The following GZMB variants were observed in gnomAD, a reference collection of about 807,000 sequenced individuals.
The protein encoded by GZMB is granzyme B.
In GZMB, 27 loss-of-function variants were observed where a neutral mutation model predicts 24.2. That is an observed-to-expected ratio of 1.12 (90% CI 0.82 to 1.54). The LOEUF is 1.54. Among genes scored for constraint, GZMB ranks in the 40% most tolerant of loss-of-function variants. The probability of loss-of-function intolerance (pLI) is 0.00; values close to 1 mark genes in which losing one functional copy is unlikely to be tolerated. For missense variants in GZMB, 336 were observed against 310.1 expected (o/e 1.08, Z -0.63); for synonymous variants, 121 against 115.1 (o/e 1.05, Z -0.33).
chr14:24,633,726 T>G (rs917640052), intron 1 of GZMB, among the ~76,000 whole-genome samples: 1 of 152,246 alleles, frequency 6.6e-6, no homozygotes, highest in Non-Finnish European at 1.5e-5. Context: ...AGCTGAGCTC[T>G]GGGTTTCTCT....
Position 24,630,972 on chromosome 14 carries a change from G to A in GZMB, c.*99C>T. 1 of 872,850 alleles carries A rather than the reference G, an allele frequency of 1.1e-6. No homozygotes were observed. Among genetic ancestry groups the A allele is most frequent in the Non-Finnish European group, 1.9e-6 (1 of 525,010 alleles). The allele number at this position is 872,850 out of a possible 1,614,324, so 54.1% of individuals were successfully genotyped here. The stretch of plus-strand genomic sequence containing the variant: ...AACCAGCTTTTCCACTCAGCTAAGA[G>A]GTATTTATTCAGTTGCTGGCACCTC... On this transcript the variant is annotated 3_prime_UTR_variant, in exon 5 of 5. Coordinates refer to ENST00000216341, the MANE Select transcript of GZMB (RefSeq NM_004131.6).
Position 24,632,132 on chromosome 14 carries a change from G to C in GZMB, c.340-14C>G, listed in dbSNP as rs374757875. 5 of 1,612,250 alleles carry C rather than the reference G, an allele frequency of 3.1e-6. No individual in the cohort carries two copies. The South Asian group carries it at 5.5e-5, about 18-fold the overall frequency. ...CTTTCTCTCCAGCTGGTGGGGAAGA[G>C]GCAAGAAAGTCCAGGTCAGCCAACG... On this transcript the variant is annotated splice_polypyrimidine_tract_variant and intron_variant, in intron 3 of 4. Coordinates refer to ENST00000216341, the MANE Select transcript of GZMB (RefSeq NM_004131.6).
At chr14:24,633,897 G>T in intron 1 of GZMB, 1 of 670,096 alleles carries the variant, frequency 1.5e-6, no homozygotes. Flanking sequence ...TCTGGGGAAG[G>T]GATAGTACCC....
Position 24,634,174 on chromosome 14 carries a change from C to G in GZMB, c.-14G>C. The G allele has an allele frequency of 6.3e-7, 1 of 1,583,750 alleles. No individual in the cohort carries two copies. Among genetic ancestry groups the G allele is most frequent in the African/African-American group, 1.3e-5 (1 of 74,922 alleles). On this transcript the variant is annotated 5_prime_UTR_variant, in exon 1 of 5. Transcript: ENST00000216341. ...GATTGGTTGCATCTTCTCAGGAAGG[C>G]TGCCCTGGTTGGAGCTGCTGTTGTT...
At chr14:24,634,050 G>C (rs893528470) in intron 1 of GZMB, 56 bp downstream of exon 1, 23 of 1,433,108 alleles carry the variant, frequency 1.6e-5, no homozygotes, top group Non-Finnish European at 2.0e-5. Context: ...TGTGGAGAAA[G>C]GGCAGGAGAC....
At position 24,633,899 on chromosome 14, in the gene GZMB, A is replaced by G. The variant is rs944963141; in HGVS notation, c.55+207T>C. 5 of 672,170 alleles carry G rather than the reference A, an allele frequency of 7.4e-6. No homozygotes were observed. In the African/African-American group the frequency reaches 8.8e-5, roughly 12 times the overall value. 41.6% of individuals were successfully genotyped at this position (672,170 alleles called of 1,614,324 possible). ...GACAAAGGTGGGCTCTGGGGAAGGG[A>G]TAGTACCCACTGGCTCTTCTTGAGA... On this transcript the variant is annotated intron_variant, in intron 1 of 4. Coordinates refer to ENST00000216341, the MANE Select transcript of GZMB (RefSeq NM_004131.6).
chr14:24,632,860 C>T (rs2067010454), intron 2 of GZMB, 55 bp downstream of exon 2: 3 of 1,551,764 alleles, frequency 1.9e-6, no homozygotes, highest in Non-Finnish European at 1.8e-6. Flanking sequence ...GGGAAGAAGG[C>T]AGGGGTCTCT....
chr14:24,632,703 T>C (rs1256010447), intron 2 of GZMB: 1 of 801,556 alleles, frequency 1.2e-6, no homozygotes, highest in South Asian at 1.5e-5. Flanking sequence ...GTTCTAAATA[T>C]GGCAGGCTTG....
chr14:24,633,454 C>A (rs1207631283), intron 1 of GZMB: 2 of 213,056 alleles, frequency 9.4e-6, no homozygotes, highest in Admixed American at 1.3e-4. Context: ...ATCCTGTTTC[C>A]TAGAGCCTGA....
intron 4 of GZMB, 122 bp from the exon 5 acceptor site, chr14:24,631,336 A>T: frequency 1.3e-6 from 1 of 792,036 alleles, no homozygotes; most frequent in Non-Finnish European, 2.0e-6. Context: ...ACCAGAGGGC[A>T]GGGCAGGCCG....
At chr14:24,632,486 G>T in intron 2 of GZMB, 27 bp from the exon 3 acceptor site, 1 of 1,613,854 alleles carries the variant, frequency 6.2e-7, no homozygotes, top group Non-Finnish European at 8.5e-7. Flanking sequence ...GTGAGGATGG[G>T]GGTGGAGTCA....
rs201850675 is a variant in GZMB at position 24,631,926 on chromosome 14, G to A, written c.532C>T (p.Arg178Cys). ...QEDRKCESDL[R>C]HYYDSTIELC... ...TCAATGGTACTGTCGTAATAATGGC[G>A]TAAGTCAGATTCGCACTTTCGATCT... The change falls in exon 4 of 5, where the codon CGC (arginine) becomes TGC (cysteine). Residue 178 changes from arginine to cysteine, a missense_variant. Transcript: ENST00000216341. 3.7e-5 allele frequency: 60 copies of A among 1,613,828 alleles called. No individual in the cohort carries two copies. The highest frequency in any genetic ancestry group is 1.6e-4 in the Middle Eastern group (1 of 6,062).
intron 2 of GZMB, chr14:24,632,708 G>C (rs1362291745): frequency 1.2e-6 from 1 of 804,654 alleles, no homozygotes; most frequent in African/African-American, 1.7e-5. Flanking sequence ...AAATATGGCA[G>C]GCTTGGTCAC....
chr14:24,631,241 G>C, intron 4 of GZMB, 27 bp from the exon 5 acceptor site: 2 of 1,604,510 alleles, frequency 1.2e-6, no homozygotes. Flanking sequence ...GAAGGACTGA[G>C]CTGATGCTCC....
In GZMB at chr14:24,631,050, G is replaced by C. The variant is rs755997644; in HGVS notation, c.*21C>G. On this transcript the variant is annotated 3_prime_UTR_variant, in exon 5 of 5. Coordinates refer to ENST00000216341, the MANE Select transcript of GZMB (RefSeq NM_004131.6). ...AGAGAAGGTGTTTCATTACAGCGGG[G>C]GCTTAGTTTGCTTCCTGTAGTTAGT... 7.5e-6 allele frequency: 12 copies of C among 1,599,298 alleles called. No individual in the cohort carries two copies. The highest frequency in any genetic ancestry group is 9.4e-6 in the Non-Finnish European group (11 of 1,167,080).
At chr14:24,633,994 G>T in intron 1 of GZMB, 112 bp downstream of exon 1, 1 of 948,068 alleles carries the variant, frequency 1.1e-6, no homozygotes, top group Non-Finnish European at 1.7e-6. Context: ...TTGGTAGAAT[G>T]GGAGCTGGAG....
In GZMB at chr14:24,631,843, G is replaced by T; in HGVS notation, c.600+15C>A. ...TTTCTCCCAAGAGCCAATCCAGGCA[G>T]GTGCATAGTCTTACCTTAAAGGAAG... On this transcript the variant is annotated intron_variant, in intron 4 of 4. Transcript: ENST00000216341. 6.2e-7 allele frequency: 1 copy of T among 1,611,468 alleles called. No individual in the cohort carries two copies. The highest frequency in any genetic ancestry group is 8.5e-7 in the Non-Finnish European group (1 of 1,177,566).
chr14:24,633,131 C>T (rs1484222081), intron 1 of GZMB, 69 bp from the exon 2 acceptor site: 1 of 1,514,100 alleles, frequency 6.6e-7, no homozygotes, highest in Non-Finnish European at 8.9e-7. Flanking sequence ...CTTAGTGGCT[C>T]CAGAACTCCT....
intron 1 of GZMB, 37 bp downstream of exon 1, chr14:24,634,069 T>C (rs751176734): frequency 3.9e-6 from 6 of 1,558,208 alleles, no homozygotes; most frequent in Non-Finnish European, 4.4e-6. Context: ...ACCTGTGGGA[T>C]GGGGTTGGGC....
Sources: allele counts gnomAD v4.1 joint callset (sites outside exome capture counted in the v4.1 genomes callset), GRCh38; gene constraint gnomAD v4.1.1; transcripts MANE v1.5; gene names NCBI Gene and HGNC (gene_info 2026-07-23, HGNC 2026-07-21).